Variants in TMEM8B observed in about 807,000 individuals in gnomAD.
TMEM8B encodes transmembrane protein 8B.
Under a neutral mutation model 49.3 loss-of-function variants are expected in TMEM8B, and 29 were observed. The ratio of observed to expected loss-of-function variants is 0.59; its 90% CI spans 0.44 to 0.80. The LOEUF (loss-of-function observed/expected upper bound fraction) is 0.80. Ranked by LOEUF, TMEM8B falls within the 30% of genes least tolerant of loss-of-function variation. TMEM8B has a pLI of 0.00. For synonymous variants in TMEM8B, 264 were observed against 272.8 expected, an observed-to-expected ratio of 0.97 and a Z score of 0.32; for missense variants, 575 against 658.5, an observed-to-expected ratio of 0.87 and a Z score of 1.39.
chr9:35,862,547 C>T lies in TMEM8B; in HGVS notation c.*8707C>T, dbSNP rs531613652. On this transcript the variant is annotated 3_prime_UTR_variant, in exon 13 of 13. Transcript: ENST00000643932. ...GCTTTTGTGTGTGCAGGCTCTGGCCCGTCCTCCTGCCTTGCCTCCACCGCA... is the reference window on the plus strand; with the variant it reads ...GCTTTTGTGTGTGCAGGCTCTGGCCTGTCCTCCTGCCTTGCCTCCACCGCA... 9 of 152,446 alleles carry T rather than the reference C, an allele frequency of 5.9e-5. No individual in the cohort carries two copies. The highest frequency in any genetic ancestry group is 4.1e-4 in the South Asian group (2 of 4,824). The allele number at this position is 152,446 out of a possible 1,614,324, so 9.4% of individuals were successfully genotyped here. A position where few individuals can be genotyped will look rare whatever the true frequency, so the allele number is the denominator to read the frequency against.
rs371111406 is a variant in TMEM8B, at chr9:35,842,732, G to A, written c.1635+15G>A. On this transcript the variant is annotated intron_variant, in intron 6 of 12. Transcript: ENST00000643932. This position sits in a 1 kb window ranked among gnomAD's most constrained non-coding sequence, Gnocchi z 5.6. ...AGCTCAATGCGGTACTCTTTATGGA[G>A]AGTGGGGAGGTTGCTCTGCCAGGGA... The A allele has an allele frequency of 5.6e-6, 9 of 1,593,568 alleles. No individual in the cohort carries two copies. The highest frequency in any genetic ancestry group is 1.3e-5 in the African/African-American group (1 of 74,360).
Position 35,853,352 on chromosome 9 carries a change from T to G in TMEM8B, c.2439+95T>G. ...CCCCAGTTTAAGGTGGGCTTGGCTCTGTCGTCATCACCTGCTGCTGGCAGT... is the reference window on the plus strand; with the variant it reads ...CCCCAGTTTAAGGTGGGCTTGGCTCGGTCGTCATCACCTGCTGCTGGCAGT... On this transcript the variant is annotated intron_variant, in intron 12 of 12. Coordinates refer to ENST00000643932, the MANE Select transcript of TMEM8B (RefSeq NM_001042590.4). The surrounding 1 kb of genome is among the most constrained non-coding windows in gnomAD (Gnocchi z 4.2). The G allele has an allele frequency of 6.9e-7, 1 of 1,453,324 alleles. No individual in the cohort carries two copies. Among genetic ancestry groups the G allele is most frequent in the South Asian group, 1.2e-5 (1 of 82,930 alleles). The allele number at this position is 1,453,324 out of a possible 1,614,324, so 90.0% of individuals were successfully genotyped here.
At position 35,835,055 on chromosome 9, in the gene TMEM8B, C is replaced by G. The variant is rs1392031653; in HGVS notation, c.743C>G (p.Thr248Arg). ...GAPPVINPLH[T>R]HFPGDTAVPG... The stretch of plus-strand genomic sequence containing the variant: ...CCCCCTGTCATCAATCCCCTGCATA[C>G]ACACTTCCCAGGGGACACAGCTGTG... The change falls in exon 3 of 13, where the codon ACA (threonine) becomes AGA (arginine). Residue 248 changes from threonine (T) to arginine (R), a missense_variant. Coordinates refer to ENST00000643932, the MANE Select transcript of TMEM8B (RefSeq NM_001042590.4). 1 of 415,682 alleles carries G rather than the reference C, an allele frequency of 2.4e-6. No individual in the cohort carries two copies. The highest frequency in any genetic ancestry group is 4.4e-6 in the Non-Finnish European group (1 of 226,418). The allele number at this position is 415,682 out of a possible 1,614,324, so 25.7% of individuals were successfully genotyped here.
rs1009790863 is a variant in TMEM8B at position 35,861,313 on chromosome 9, G to A, written c.*7473G>A. 1.3e-5 allele frequency: 2 copies of A among 152,328 alleles called. No homozygotes were observed. The highest frequency in any genetic ancestry group is 4.8e-5 in the African/African-American group (2 of 41,454). The allele number at this position is 152,328 out of a possible 1,614,324, so 9.4% of individuals were successfully genotyped here. A position where few individuals can be genotyped will look rare whatever the true frequency, so the allele number is the denominator to read the frequency against. On this transcript the variant is annotated 3_prime_UTR_variant, in exon 13 of 13. Transcript: ENST00000643932. Reference sequence around the variant, plus strand: ...CCAGCTCCGCACCTTTGTCCGAGATGGAGGCGTGTCCTCCCGCCCATCCCC... The same window carrying A: ...CCAGCTCCGCACCTTTGTCCGAGATAGAGGCGTGTCCTCCCGCCCATCCCC...
rs887446429 is a variant in TMEM8B at position 35,841,897 on chromosome 9, C to G, written c.1309+103C>G. The stretch of plus-strand genomic sequence containing the variant: ...CCCTCTGCCATATCCCTACAACCTC[C>G]CCTCCCCATCCCAAGCTCCTTCATG... On this transcript the variant is annotated intron_variant, in intron 5 of 12. Coordinates refer to ENST00000643932, the MANE Select transcript of TMEM8B (RefSeq NM_001042590.4). The surrounding 1 kb of genome is among the most constrained non-coding windows in gnomAD (Gnocchi z 5.9). The G allele has an allele frequency of 2.4e-6, 1 of 412,082 alleles. No individual in the cohort carries two copies. Among genetic ancestry groups the G allele is most frequent in the African/African-American group, 2.1e-5 (1 of 48,682 alleles). The allele number at this position is 412,082 out of a possible 1,614,324, so 25.5% of individuals were successfully genotyped here. A position where few individuals can be genotyped will look rare whatever the true frequency, so the allele number is the denominator to read the frequency against.
intron 10 of TMEM8B, among the ~76,000 whole-genome samples, chr9:35,851,212 A>G (rs907046069): frequency 6.6e-6 from 1 of 152,018 alleles, no homozygotes; most frequent in African/African-American, 2.4e-5. Flanking sequence ...GGCTCAAGCA[A>G]TCCTCCCACC....
chr9:35,862,241 C>T lies in TMEM8B; in HGVS notation c.*8401C>T, dbSNP rs1832666268. On this transcript the variant is annotated 3_prime_UTR_variant, in exon 13 of 13. Coordinates refer to ENST00000643932, the MANE Select transcript of TMEM8B (RefSeq NM_001042590.4). Reference sequence around the variant, plus strand: ...TCACTCACTCGGTGACTTTGGACACCTCCCCCTCCTCTCTCCAGGCTTTAG... The same window carrying T: ...TCACTCACTCGGTGACTTTGGACACTTCCCCCTCCTCTCTCCAGGCTTTAG... The T allele has an allele frequency of 6.6e-6, 1 of 152,246 alleles. No homozygotes were observed. The highest frequency in any genetic ancestry group is 6.5e-5 in the Admixed American group (1 of 15,280). The allele number at this position is 152,246 out of a possible 1,614,324, so 9.4% of individuals were successfully genotyped here. A position where few individuals can be genotyped will look rare whatever the true frequency, so the allele number is the denominator to read the frequency against.
intron 1 of TMEM8B, among the ~76,000 whole-genome samples, 153 bp downstream of exon 1, chr9:35,830,108 A>G (rs7038617): frequency 0.016 from 2,416 of 152,312 alleles, 67 homozygotes; most frequent in African/African-American, 0.055. Flanking sequence ...CACAACAGGG[A>G]TTGGCAGGGT....
At position 35,847,430 on chromosome 9, in the gene TMEM8B, A is replaced by G. The variant is rs919130759; in HGVS notation, c.2175+435A>G. On this transcript the variant is annotated intron_variant, in intron 10 of 12. Coordinates refer to ENST00000643932, the MANE Select transcript of TMEM8B (RefSeq NM_001042590.4). Reference sequence around the variant, plus strand: ...TCACCACATTCTTCCATGATATGAGAGCTAGCTAGCTACTCTGAGCTCCCC... The same window carrying G: ...TCACCACATTCTTCCATGATATGAGGGCTAGCTAGCTACTCTGAGCTCCCC... Among the ~76,000 whole-genome samples, 5 of 152,186 alleles carry G rather than the reference A, an allele frequency of 3.3e-5. No individual in the cohort carries two copies. In the East Asian group the frequency reaches 9.6e-4, roughly 29 times the overall value.
Position 35,829,835 on chromosome 9 carries a change from C to G in TMEM8B, c.388C>G (p.Pro130Ala). ...ATCTCTGTGTTTACCCAAGTCTCTC[C>G]CTCTAGTCCCCCCTATCTCTCATAC... ...PSSLCLPKSL[P>A]LVPPISHTLP... is the part of the protein sequence containing the mutation. Residue 130 changes from proline (P) to alanine (A), a missense_variant, in exon 1 of 13, where the codon CCT becomes GCT. By Grantham distance (27) the Pro-to-Ala change is conservative. Transcript: ENST00000643932. 2.4e-6 allele frequency: 1 copy of G among 416,302 alleles called. No individual in the cohort carries two copies. The highest frequency in any genetic ancestry group is 1.3e-4 in the South Asian group (1 of 7,998). 25.8% of individuals were successfully genotyped at this position (416,302 alleles called of 1,614,324 possible).
rs1019518875 is a variant in TMEM8B at position 35,842,913 on chromosome 9, G to A, written c.1635+196G>A. 4.6e-5 allele frequency among the ~76,000 whole-genome samples: 7 copies of A among 152,208 alleles called. No homozygotes were observed. The highest frequency in any genetic ancestry group is 1.9e-4 in the East Asian group (1 of 5,202). On this transcript the variant is annotated intron_variant, in intron 6 of 12. Coordinates refer to ENST00000643932, the MANE Select transcript of TMEM8B (RefSeq NM_001042590.4). This position sits in a 1 kb window ranked among gnomAD's most constrained non-coding sequence, Gnocchi z 5.6. ...AGTATTCACTCTGCTACAGATGGGC[G>A]GGTCAACCAGGTCAACTCAGTGTCT...
Position 35,846,816 on chromosome 9 carries a change from G to T in TMEM8B, c.1997-1G>T. On this transcript the variant is annotated splice_acceptor_variant, in intron 9 of 12. Coordinates refer to ENST00000643932, the MANE Select transcript of TMEM8B (RefSeq NM_001042590.4). LOFTEE classifies it high-confidence loss of function. ...CCATTCTGTGCCTTCCCCACCCGCA[G>T]GGTGGAGAGGCTGGGGCTGCACCGA... is the stretch of plus-strand genomic sequence containing the variant. The T allele has an allele frequency of 6.2e-7, 1 of 1,611,634 alleles. No homozygotes were observed. The highest frequency in any genetic ancestry group is 1.1e-5 in the South Asian group (1 of 90,994).
At chr9:35,831,012 G>A (rs1005745903) in intron 1 of TMEM8B, among the ~76,000 whole-genome samples, 2 of 152,340 alleles carry the variant, frequency 1.3e-5, no homozygotes, top group South Asian at 4.1e-4. Context: ...GTGCCTGATG[G>A]AGTCTTTGGA....
At chr9:35,836,794 T>C (rs1486998135) in intron 3 of TMEM8B, among the ~76,000 whole-genome samples, 1 of 152,168 alleles carries the variant, frequency 6.6e-6, no homozygotes, top group Non-Finnish European at 1.5e-5. Context: ...TGGTCAGAGC[T>C]TCCCCAGGTG....
intron 6 of TMEM8B, chr9:35,845,278 C>A (rs1831410112): frequency 1.1e-5 from 6 of 531,180 alleles, no homozygotes; most frequent in African/African-American, 4.1e-5. Flanking sequence ...TATGGCCTAC[C>A]TTAGGGACAG....
chr9:35,837,684 C>T (rs1317258007), intron 3 of TMEM8B, among the ~76,000 whole-genome samples: 1 of 152,216 alleles, frequency 6.6e-6, no homozygotes, highest in Non-Finnish European at 1.5e-5. Flanking sequence ...GACCCTGTGT[C>T]TGTGTTATTT....
intron 10 of TMEM8B, among the ~76,000 whole-genome samples, chr9:35,851,167 G>A (rs1832094108): frequency 6.6e-6 from 1 of 152,140 alleles, no homozygotes; most frequent in South Asian, 2.1e-4. Flanking sequence ...GCAGAGTGCA[G>A]TGGCATGATC....
rs946832880 is a variant in TMEM8B at position 35,841,778 on chromosome 9, G to A, written c.1293G>A (p.Leu431=). The A allele has an allele frequency of 9.6e-6, 4 of 415,928 alleles. No individual in the cohort carries two copies. In the Admixed American group the frequency reaches 1.8e-4, roughly 18 times the overall value. The allele number at this position is 415,928 out of a possible 1,614,324, so 25.8% of individuals were successfully genotyped here. A position where few individuals can be genotyped will look rare whatever the true frequency, so the allele number is the denominator to read the frequency against. Residue 431 remains leucine (L), a synonymous_variant, in exon 5 of 13, where the codon CTG becomes CTA. Transcript: ENST00000643932. This position sits in a 1 kb window ranked among gnomAD's most constrained non-coding sequence, Gnocchi z 5.9. The part of the protein sequence containing the change: ...RGPGRTIRFQ[L]CVRLQECPQP... ...CTGGTAGGACCATCCGCTTCCAGCT[G>A]TGTGTGCGGTTGCAAGGTCAGAACC...
rs1369850680 is a variant in TMEM8B at position 35,852,987 on chromosome 9, G to A, written c.2322+14G>A. 1 of 1,614,054 alleles carries A rather than the reference G, an allele frequency of 6.2e-7. No homozygotes were observed. The highest frequency in any genetic ancestry group is 8.5e-7 in the Non-Finnish European group (1 of 1,179,958). ...GTGGTCAAGCAGGTCAGTCCAGAGT[G>A]GGCCCTGGGGAACAACCATGGCCAA... On this transcript the variant is annotated intron_variant, in intron 11 of 12. Transcript: ENST00000643932.
Sources: allele counts gnomAD v4.1 joint callset (sites outside exome capture counted in the v4.1 genomes callset), GRCh38; gene constraint gnomAD v4.1.1; non-coding constraint Gnocchi (gnomAD v3.1); transcripts MANE v1.5; gene names NCBI Gene and HGNC (gene_info 2026-07-23, HGNC 2026-07-21).